The following PIK3C3 variants were observed in gnomAD, a reference collection of about 807,000 sequenced individuals.
PIK3C3 encodes phosphatidylinositol 3-kinase catalytic subunit type 3.
Under a neutral mutation model 126.1 loss-of-function variants are expected in PIK3C3, and 95 were observed. That is an observed-to-expected ratio of 0.75 (90% CI 0.64 to 0.89). The LOEUF (loss-of-function observed/expected upper bound fraction) is 0.89. PIK3C3 is among the 40% of genes least tolerant of loss of function. PIK3C3 has a pLI of 0.00. For synonymous variants in PIK3C3, 374 were observed against 360.0 expected, an observed-to-expected ratio of 1.04 and a Z score of -0.44; for missense variants, 829 against 1,063.2, an observed-to-expected ratio of 0.78 and a Z score of 3.06.
At chr18:42,079,370 G>A (rs1323216760) in intron 24 of PIK3C3, among the ~76,000 whole-genome samples, 2 of 152,134 alleles carry the variant, frequency 1.3e-5, no homozygotes, top group South Asian at 2.1e-4. Context: ...ATGCAGACAC[G>A]GTTCGTGGTG....
chr18:41,978,478 CAAG>C (rs1981041135), intron 4 of PIK3C3, among the ~76,000 whole-genome samples: 2 of 152,040 alleles, frequency 1.3e-5, no homozygotes, highest in Non-Finnish European at 2.9e-5. Flanking sequence ...CCAAAAGGAC[CAAG>C]GGGTTCTTTG....
In PIK3C3 at chr18:42,086,949, C is replaced by CAAGACTTAACCTCTCTTGG. The variant is rs1266357496; in HGVS notation, c.*5813_*5814insAGACTTAACCTCTCTTGGA. 1 of 152,128 alleles carries CAAGACTTAACCTCTCTTGG rather than the reference C, an allele frequency of 6.6e-6. No individual in the cohort carries two copies. Among genetic ancestry groups the CAAGACTTAACCTCTCTTGG allele is most frequent in the Non-Finnish European group, 1.5e-5 (1 of 68,042 alleles). 9.4% of individuals were successfully genotyped at this position (152,128 alleles called of 1,614,324 possible). On this transcript the variant is annotated 3_prime_UTR_variant, in exon 25 of 25. Coordinates refer to ENST00000262039, the MANE Select transcript of PIK3C3 (RefSeq NM_002647.4). Reference sequence around the variant, plus strand: ...AAGAACCCTCTCTTGGAGTCTTAACCAGGATCCCTTTCCAGTAACTTCAGC... The same window carrying CAAGACTTAACCTCTCTTGG: ...AAGAACCCTCTCTTGGAGTCTTAACCAAGACTTAACCTCTCTTGGAGGATCCCTTTCCAGTAACTTCAGC...
chr18:41,993,630 A>T (rs956302814), intron 7 of PIK3C3, among the ~76,000 whole-genome samples: 4 of 150,224 alleles, frequency 2.7e-5, no homozygotes, highest in African/African-American at 9.9e-5. Flanking sequence ...GGTTGGGGGT[A>T]TATAATCTTG....
At chr18:41,987,761 T>A (rs1242672069) in intron 4 of PIK3C3, 51 bp from the exon 5 acceptor site, 1 of 1,262,768 alleles carries the variant, frequency 7.9e-7, no homozygotes, top group Non-Finnish European at 1.2e-6. Flanking sequence ...TTTTGGTCCT[T>A]CTTTCTACTA....
intron 21 of PIK3C3, among the ~76,000 whole-genome samples, chr18:42,055,260 G>A (rs1008402215): frequency 2.0e-5 from 3 of 152,062 alleles, no homozygotes; most frequent in African/African-American, 7.2e-5. Context: ...GCACATGCCA[G>A]CTCCTTTTCG....
chr18:42,083,473 AAAG>A lies in PIK3C3; in HGVS notation c.*2342_*2344del, dbSNP rs1426026951. ...TATTGAGAGTGGGGCTATAGGACAA[AAAG>A]AAGAAAAGTATGGTTAACATTGCCA... On this transcript the variant is annotated 3_prime_UTR_variant, in exon 25 of 25. Transcript: ENST00000262039. The A allele has an allele frequency of 6.6e-6, 1 of 152,172 alleles. No homozygotes were observed. Among genetic ancestry groups the A allele is most frequent in the Non-Finnish European group, 1.5e-5 (1 of 68,036 alleles). 9.4% of individuals were successfully genotyped at this position (152,172 alleles called of 1,614,324 possible).
At chr18:42,079,681 AT>A (rs543053285) in intron 24 of PIK3C3, among the ~76,000 whole-genome samples, 126 of 152,284 alleles carry the variant, frequency 8.3e-4, no homozygotes, top group Middle Eastern at 3.4e-3. Context: ...CAATAGCAAC[AT>A]TTTTGTCATA....
Position 41,957,567 on chromosome 18 carries a change from C to T in PIK3C3, c.69-3C>T. 1 of 1,604,444 alleles carries T rather than the reference C, an allele frequency of 6.2e-7. No individual in the cohort carries two copies. The highest frequency in any genetic ancestry group is 1.1e-5 in the South Asian group (1 of 89,426). On this transcript the variant is annotated splice_region_variant and splice_polypyrimidine_tract_variant and intron_variant, in intron 1 of 24. Coordinates refer to ENST00000262039, the MANE Select transcript of PIK3C3 (RefSeq NM_002647.4). ...TGAAACATTGTTGGTCTTGTGCTTTCAGAGGAAGCTTGGAAGGGAAGAGAG... is the reference window on the plus strand; with the variant it reads ...TGAAACATTGTTGGTCTTGTGCTTTTAGAGGAAGCTTGGAAGGGAAGAGAG...
intron 4 of PIK3C3, among the ~76,000 whole-genome samples, chr18:41,979,895 T>TATTATTATTATC (rs142491238): frequency 0.14 from 21,169 of 149,642 alleles, 1,607 homozygotes; most frequent in African/African-American, 0.21. Flanking sequence ...TTATTATTAT[T>TATTATTATTATC]ATTATTATTA....
At chr18:41,964,397 G>T (rs1262023891) in intron 3 of PIK3C3, among the ~76,000 whole-genome samples, 1 of 152,040 alleles carries the variant, frequency 6.6e-6, no homozygotes, top group East Asian at 1.9e-4. Flanking sequence ...TCCTTGGGCA[G>T]ATTATTTAAT....
Position 42,013,359 on chromosome 18 carries a change from T to G in PIK3C3, c.1171-83T>G. The G allele has an allele frequency of 4.8e-6, 4 of 826,340 alleles. No individual in the cohort carries two copies. In the Admixed American group the frequency reaches 1.1e-4, roughly 24 times the overall value. The allele number at this position is 826,340 out of a possible 1,614,324, so 51.2% of individuals were successfully genotyped here. On this transcript the variant is annotated intron_variant, in intron 10 of 24. Coordinates refer to ENST00000262039, the MANE Select transcript of PIK3C3 (RefSeq NM_002647.4). The stretch of plus-strand genomic sequence containing the variant: ...AAGTGATAGATAAAAGTAAAATGTT[T>G]ACTTGATATTTAGGAATAAATTATG...
chr18:42,076,089 C>CATATATATATATGCATATAT (rs1985963004), intron 24 of PIK3C3, among the ~76,000 whole-genome samples: 10 of 54,660 alleles, frequency 1.8e-4, no homozygotes, highest in Non-Finnish European at 3.3e-4. Flanking sequence ...CTTTACCTTG[C>CATATATATATATGCATATAT]ATATATATAT....
chr18:42,036,194 C>T (rs9646518), intron 16 of PIK3C3, among the ~76,000 whole-genome samples: 11,767 of 152,082 alleles, frequency 0.077, 564 homozygotes, highest in Non-Finnish European at 0.11. Context: ...TTTAAACATA[C>T]ATTCTCTGAA....
chr18:42,057,159 T>G (rs1985106443), intron 21 of PIK3C3, among the ~76,000 whole-genome samples: 1 of 151,298 alleles, frequency 6.6e-6, no homozygotes. Flanking sequence ...AACAGATTTA[T>G]AAATCAATGT....
Position 41,970,421 on chromosome 18 carries a change from A to G in PIK3C3, c.496A>G (p.Thr166Ala), listed in dbSNP as rs866665761. 9.9e-6 allele frequency: 16 copies of G among 1,613,782 alleles called. No homozygotes were observed. In the Admixed American group the frequency reaches 2.5e-4, roughly 25 times the overall value. The change falls in exon 4 of 25, where the codon ACT (threonine) becomes GCT (alanine). Residue 166 changes from threonine to alanine, a missense_variant. By Grantham distance (58) the Thr-to-Ala change is moderately conservative. Transcript: ENST00000262039. Reference protein sequence around the residue: ...PTKTPGRTSSTLSEDQMSRLA... With the variant: ...PTKTPGRTSSALSEDQMSRLA... ...AAAAACTCCTGGCAGAACAAGTAGCACTCTCTCAGAAGATCAGATGAGCCG... is the reference window on the plus strand; with the variant it reads ...AAAAACTCCTGGCAGAACAAGTAGCGCTCTCTCAGAAGATCAGATGAGCCG...
intron 18 of PIK3C3, among the ~76,000 whole-genome samples, chr18:42,040,085 A>T: frequency 7.5e-6 from 1 of 133,198 alleles, no homozygotes; most frequent in African/African-American, 2.9e-5. Context: ...CCATTGTTTT[A>T]TGTTTCTGTT....
rs565785374 is a variant in PIK3C3, at chr18:42,074,073, G to T, written c.2649+6560G>T. 1.3e-5 allele frequency among the ~76,000 whole-genome samples: 2 copies of T among 152,208 alleles called. 1 individual carries two copies. The highest frequency in any genetic ancestry group is 1.3e-4 in the Admixed American group (2 of 15,286). On this transcript the variant is annotated intron_variant, in intron 24 of 24. Coordinates refer to ENST00000262039, the MANE Select transcript of PIK3C3 (RefSeq NM_002647.4). ...TCCATTTTTTAGTTACTTGAAAGTC[G>T]CTCTTTCCTGGGTCAGTGGAATTTT...
chr18:42,036,122 G>C, intron 16 of PIK3C3, among the ~76,000 whole-genome samples: 1 of 152,080 alleles, frequency 6.6e-6, no homozygotes, highest in East Asian at 1.9e-4. Flanking sequence ...TCAAATAAAA[G>C]GATATTCCAA....
At chr18:42,005,630 A>C (rs753658349) in intron 10 of PIK3C3, among the ~76,000 whole-genome samples, 5 of 152,202 alleles carry the variant, frequency 3.3e-5, no homozygotes, top group Admixed American at 6.5e-5. Flanking sequence ...GTAACTTCTC[A>C]AGCTTCAATA....
Sources: allele counts gnomAD v4.1 joint callset (sites outside exome capture counted in the v4.1 genomes callset), GRCh38; gene constraint gnomAD v4.1.1; transcripts MANE v1.5; gene names NCBI Gene and HGNC (gene_info 2026-07-23, HGNC 2026-07-21).